Variants in ZNF277 observed in about 807,000 individuals in gnomAD.
The protein encoded by ZNF277 is nuclear receptor-interacting factor 4.
ZNF277 carries 55 observed loss-of-function variants against 60.7 expected under a neutral mutation model. That is an observed-to-expected ratio of 0.91 (90% CI 0.73 to 1.13). The LOEUF (loss-of-function observed/expected upper bound fraction) is 1.13. Among genes scored for constraint, ZNF277 ranks in the 50% most tolerant of loss-of-function variants. The probability of loss-of-function intolerance (pLI) is 0.00; values close to 1 mark genes in which losing one functional copy is unlikely to be tolerated. For synonymous variants in ZNF277, 178 were observed against 179.3 expected (o/e 0.99, Z 0.06); for missense variants, 510 against 523.0 (o/e 0.98, Z 0.24).
chr7:112,296,900 A>AT (rs1563219652), intron 4 of ZNF277, among the ~76,000 whole-genome samples: 1 of 26,402 alleles, frequency 3.8e-5, no homozygotes, highest in Admixed American at 5.6e-4. Flanking sequence ...TTATTTATTT[A>AT]TTTATTTATT....
At chr7:112,308,870 A>G (rs1353805188) in intron 4 of ZNF277, among the ~76,000 whole-genome samples, 4 of 152,206 alleles carry the variant, frequency 2.6e-5, no homozygotes, top group Middle Eastern at 3.4e-3. Context: ...ACACCTGTGC[A>G]TTTTTCTGCT....
rs191090327 is a variant in ZNF277, at chr7:112,219,116, T to C, written c.91+12309T>C. On this transcript the variant is annotated intron_variant, in intron 1 of 11. Transcript: ENST00000361822. ...ACAGAGTTGCCTTTTCTCCACACTCTCTCCAATGCTTATCTCTTGTCTTTT... is the reference window on the plus strand; with the variant it reads ...ACAGAGTTGCCTTTTCTCCACACTCCCTCCAATGCTTATCTCTTGTCTTTT... 2.4e-3 allele frequency among the ~76,000 whole-genome samples: 367 copies of C among 152,322 alleles called. 3 individuals are homozygous for C. The highest frequency in any genetic ancestry group is 8.6e-3 in the African/African-American group (357 of 41,578).
intron 1 of ZNF277, among the ~76,000 whole-genome samples, chr7:112,229,585 A>C (rs1822268406): frequency 1.3e-5 from 2 of 152,198 alleles, no homozygotes; most frequent in Non-Finnish European, 2.9e-5. Flanking sequence ...AGTAATTGTC[A>C]CACAGACAGT....
At chr7:112,281,860 T>G (rs1380886661) in intron 1 of ZNF277, among the ~76,000 whole-genome samples, 1 of 152,118 alleles carries the variant, frequency 6.6e-6, no homozygotes, top group Non-Finnish European at 1.5e-5. Context: ...CAAGATGGAG[T>G]CTTGCTCTGT....
At chr7:112,295,128 C>T (rs1440121735) in intron 2 of ZNF277, among the ~76,000 whole-genome samples, 1 of 152,050 alleles carries the variant, frequency 6.6e-6, no homozygotes, top group South Asian at 2.1e-4. Context: ...CTTCTTGGTA[C>T]CATTCAATAA....
chr7:112,280,700 A>G (rs1324454789), intron 1 of ZNF277, among the ~76,000 whole-genome samples: 6 of 151,496 alleles, frequency 4.0e-5, no homozygotes, highest in Non-Finnish European at 8.8e-5. Context: ...ATCTCAGCTC[A>G]CTGCAACTTC....
At chr7:112,332,318 A>C (rs894393365) in intron 7 of ZNF277, among the ~76,000 whole-genome samples, 1 of 152,182 alleles carries the variant, frequency 6.6e-6, no homozygotes, top group Non-Finnish European at 1.5e-5. Flanking sequence ...CAATTTTGTG[A>C]CACAGGTATT....
At chr7:112,277,322 T>C (rs1343769129) in intron 1 of ZNF277, among the ~76,000 whole-genome samples, 2 of 152,174 alleles carry the variant, frequency 1.3e-5, no homozygotes, top group African/African-American at 4.8e-5. Context: ...GACCTCATGA[T>C]CTGCCCACCT....
intron 2 of ZNF277, among the ~76,000 whole-genome samples, chr7:112,292,125 T>G (rs564065377): frequency 6.6e-6 from 1 of 152,290 alleles, no homozygotes; most frequent in African/African-American, 2.4e-5. Flanking sequence ...TGTCAGTAAT[T>G]TCTTCCCATG....
chr7:112,310,483 GTGTGTGT>G, intron 4 of ZNF277, among the ~76,000 whole-genome samples: 3 of 146,964 alleles, frequency 2.0e-5, no homozygotes, highest in African/African-American at 8.0e-5. Context: ...GAGAGAGTGT[GTGTGTGT>G]GTATGTATTT....
intron 4 of ZNF277, among the ~76,000 whole-genome samples, chr7:112,313,386 C>A (rs764988796): frequency 6.6e-6 from 1 of 151,552 alleles, no homozygotes; most frequent in African/African-American, 2.4e-5. Flanking sequence ...CTCAAGCGAT[C>A]GTCCCACCTC....
chr7:112,240,914 T>C (rs13226011), intron 1 of ZNF277, among the ~76,000 whole-genome samples: 2,631 of 152,236 alleles, frequency 0.017, 41 homozygotes, highest in Middle Eastern at 0.027. Context: ...GAAGAAAACA[T>C]TGGGGAAACT....
intron 4 of ZNF277, among the ~76,000 whole-genome samples, chr7:112,309,679 A>G (rs909734061): frequency 2.0e-5 from 3 of 151,938 alleles, no homozygotes; most frequent in Non-Finnish European, 4.4e-5. Flanking sequence ...CAAACTTCAC[A>G]GGTTAAGGGC....
intron 4 of ZNF277, among the ~76,000 whole-genome samples, chr7:112,311,471 T>C (rs1305491020): frequency 6.6e-6 from 1 of 152,160 alleles, no homozygotes; most frequent in Non-Finnish European, 1.5e-5. Flanking sequence ...TTCATCTCCC[T>C]ATTCCTAGTA....
Position 112,336,118 on chromosome 7 carries a change from G to C in ZNF277, c.816G>C (p.Ser272=), listed in dbSNP as rs142150426. The change falls in exon 8 of 12, where the codon TCG becomes TCC. Residue 272 remains serine (S), a synonymous_variant. Coordinates refer to ENST00000361822, the MANE Select transcript of ZNF277 (RefSeq NM_021994.3). The part of the protein sequence containing the change: ...YVINYLELGK[S]WEEVQLEDDR... ...TTCCTACAAAGGAACTTGGAAAATCGTGGGAAGAAGTTCAGTTGGAAGATG... is the reference window on the plus strand; with the variant it reads ...TTCCTACAAAGGAACTTGGAAAATCCTGGGAAGAAGTTCAGTTGGAAGATG... 2 of 1,609,638 alleles carry C rather than the reference G, an allele frequency of 1.2e-6. No individual in the cohort carries two copies. The highest frequency in any genetic ancestry group is 2.2e-5 in the East Asian group (1 of 44,574).
At chr7:112,237,350 A>G (rs1293153978) in intron 1 of ZNF277, among the ~76,000 whole-genome samples, 1 of 152,178 alleles carries the variant, frequency 6.6e-6, no homozygotes, top group African/African-American at 2.4e-5. Context: ...CAAAGCTAGC[A>G]GAAGAAAAGA....
intron 1 of ZNF277, among the ~76,000 whole-genome samples, chr7:112,254,228 G>A (rs1281866830): frequency 6.6e-6 from 1 of 152,154 alleles, no homozygotes; most frequent in Non-Finnish European, 1.5e-5. Context: ...ATCACATGTT[G>A]GTATACAGCC....
At chr7:112,293,153 A>G (rs953202985) in intron 2 of ZNF277, among the ~76,000 whole-genome samples, 1 of 152,130 alleles carries the variant, frequency 6.6e-6, no homozygotes, top group African/African-American at 2.4e-5. Flanking sequence ...TCTATTCACC[A>G]TTGCCTCCGG....
At chr7:112,312,346 G>C (rs1249165336) in intron 4 of ZNF277, among the ~76,000 whole-genome samples, 1 of 152,038 alleles carries the variant, frequency 6.6e-6, no homozygotes, top group Non-Finnish European at 1.5e-5. Context: ...CTTGAGTAGA[G>C]GTTAGGGAGG....
Sources: gnomAD v4.1 joint callset for allele counts (sites outside exome capture counted in the v4.1 genomes callset) on GRCh38, gnomAD v4.1.1 for gene constraint, MANE v1.5 for transcripts, NCBI Gene and HGNC (gene_info 2026-07-23, HGNC 2026-07-21) for gene names.